Variants in NEK1 observed in about 807,000 individuals in gnomAD.
NEK1 encodes serine/threonine-protein kinase Nek1.
In NEK1, 137 loss-of-function variants were observed where a neutral mutation model predicts 182.1. That is an observed-to-expected ratio of 0.75 (90% CI 0.65 to 0.87). The LOEUF (loss-of-function observed/expected upper bound fraction) is 0.87. Among genes scored for constraint, NEK1 ranks in the 40% least tolerant of loss-of-function variants. The pLI is 0.00. For synonymous variants in NEK1, 513 were observed against 492.2 expected, an observed-to-expected ratio of 1.04 and a Z score of -0.56; for missense variants, 1,391 against 1,494.4, an observed-to-expected ratio of 0.93 and a Z score of 1.14.
At chr4:169,400,896 A>T (rs183173895) in intron 33 of NEK1, among the ~76,000 whole-genome samples, 2 of 150,302 alleles carry the variant, frequency 1.3e-5, no homozygotes, top group African/African-American at 4.9e-5. Context: ...TGGAATCAAA[A>T]CACTCCTAGA....
chr4:169,597,013 A>G lies in NEK1; in HGVS notation c.312+2087T>C, dbSNP rs886447569. Among the ~76,000 whole-genome samples, 4 of 152,302 alleles carry G rather than the reference A, an allele frequency of 2.6e-5. No homozygotes were observed. In the East Asian group the frequency reaches 5.8e-4, roughly 22 times the overall value. ...CACACACACACCACATTATGTACTA[A>G]GAGTACTTATCAAAGAGTAGAATCA... On this transcript the variant is annotated intron_variant, in intron 5 of 35. Coordinates refer to ENST00000507142, the MANE Select transcript of NEK1 (RefSeq NM_001199397.3).
intron 27 of NEK1, among the ~76,000 whole-genome samples, chr4:169,448,015 C>T (rs1416550635): frequency 6.6e-6 from 1 of 151,878 alleles, no homozygotes; most frequent in Non-Finnish European, 1.5e-5. Context: ...AACATGAAAC[C>T]AGCCTGGGCA....
chr4:169,525,817 A>T (rs919406552), intron 19 of NEK1, among the ~76,000 whole-genome samples: 1 of 152,230 alleles, frequency 6.6e-6, no homozygotes, highest in Non-Finnish European at 1.5e-5. Context: ...TGCCATTTAA[A>T]AAGGAACAAA....
At chr4:169,589,638 T>C (rs910513155) in intron 6 of NEK1, 124 bp from the exon 7 acceptor site, 57 of 605,822 alleles carry the variant, frequency 9.4e-5, no homozygotes, top group Admixed American at 3.6e-4. Context: ...GATATTCACA[T>C]ACAAAAGAAT....
At chr4:169,441,157 G>A (rs1292427011) in intron 27 of NEK1, among the ~76,000 whole-genome samples, 1 of 152,204 alleles carries the variant, frequency 6.6e-6, no homozygotes. Flanking sequence ...AAAGGGAGCT[G>A]AAGCATGTGC....
At chr4:169,417,624 G>C (rs958847960) in intron 31 of NEK1, among the ~76,000 whole-genome samples, 2 of 152,186 alleles carry the variant, frequency 1.3e-5, no homozygotes, top group Non-Finnish European at 2.9e-5. Flanking sequence ...AATGCAAACA[G>C]AGAAGGCCCA....
chr4:169,545,187 A>G (rs1450821702), intron 18 of NEK1, among the ~76,000 whole-genome samples: 1 of 140,084 alleles, frequency 7.1e-6, no homozygotes, highest in Middle Eastern at 3.4e-3. Flanking sequence ...ATATCTCCCA[A>G]TGCTATCCCT....
intron 20 of NEK1, 57 bp downstream of exon 20, chr4:169,508,712 G>T: frequency 7.9e-7 from 1 of 1,273,294 alleles, no homozygotes. Context: ...AAGAAAAGAA[G>T]GCAATAAATT....
At chr4:169,544,599 GTTTTTTTTTTTTTTT>G (rs139478702) in intron 18 of NEK1, among the ~76,000 whole-genome samples, 17 of 66,302 alleles carry the variant, frequency 2.6e-4, no homozygotes, top group African/African-American at 9.4e-4. Context: ...TCTGGTCATG[GTTTTTTTTTTTTTTT>G]TTTTTTTTTT....
intron 19 of NEK1, among the ~76,000 whole-genome samples, chr4:169,525,164 T>C (rs989657626): frequency 3.9e-5 from 6 of 152,220 alleles, no homozygotes; most frequent in Admixed American, 2.6e-4. Context: ...AATCTTGCTC[T>C]GTCACCCAGG....
intron 6 of NEK1, 43 bp downstream of exon 6, chr4:169,590,681 CAT>C: frequency 7.1e-7 from 1 of 1,401,176 alleles, no homozygotes; most frequent in Non-Finnish European, 9.8e-7. Context: ...ATGAAGGTTC[CAT>C]GTCTTTATCC....
chr4:169,575,401 G>T (rs1389591282), intron 12 of NEK1, among the ~76,000 whole-genome samples: 1 of 152,222 alleles, frequency 6.6e-6, no homozygotes, highest in East Asian at 1.9e-4. Flanking sequence ...TTCCTGATTA[G>T]TGTGTTTCCT....
intron 28 of NEK1, among the ~76,000 whole-genome samples, chr4:169,434,559 G>C (rs1488661699): frequency 6.6e-6 from 1 of 152,090 alleles, no homozygotes. Context: ...TCTGGCAGTG[G>C]CTCATTTTTC....
At chr4:169,416,957 C>A (rs1204626546) in intron 31 of NEK1, among the ~76,000 whole-genome samples, 1 of 152,122 alleles carries the variant, frequency 6.6e-6, no homozygotes, top group East Asian at 1.9e-4. Context: ...AATAAAATCA[C>A]AGTAATAAGT....
intron 23 of NEK1, among the ~76,000 whole-genome samples, chr4:169,497,839 T>C (rs957263371): frequency 5.3e-5 from 8 of 152,310 alleles, no homozygotes; most frequent in African/African-American, 1.9e-4. Flanking sequence ...GTGGTCAATT[T>C]TGAAATAGGT....
chr4:169,414,922 T>G (rs1423253203), intron 31 of NEK1, among the ~76,000 whole-genome samples: 2 of 152,242 alleles, frequency 1.3e-5, no homozygotes, highest in Non-Finnish European at 2.9e-5. Context: ...TGTAACCTAC[T>G]TTAACAAAAA....
intron 27 of NEK1, among the ~76,000 whole-genome samples, chr4:169,442,694 A>C (rs1181110966): frequency 6.6e-6 from 1 of 152,200 alleles, no homozygotes; most frequent in Non-Finnish European, 1.5e-5. Context: ...AATCAGAAAA[A>C]CAATTCATGG....
At chr4:169,403,650 T>C (rs953311474) in intron 32 of NEK1, among the ~76,000 whole-genome samples, 2 of 152,174 alleles carry the variant, frequency 1.3e-5, no homozygotes, top group African/African-American at 4.8e-5. Context: ...GAGTAAATAT[T>C]GACCTGTTCA....
intron 23 of NEK1, among the ~76,000 whole-genome samples, chr4:169,482,974 T>G (rs116613993): frequency 0.016 from 2,409 of 152,254 alleles, 27 homozygotes; most frequent in Non-Finnish European, 0.024. Flanking sequence ...ACTTTTCCTT[T>G]GCATTCACAA....
Sources: gnomAD v4.1 joint callset for allele counts (sites outside exome capture counted in the v4.1 genomes callset) on GRCh38, gnomAD v4.1.1 for gene constraint, MANE v1.5 for transcripts, NCBI Gene and HGNC (gene_info 2026-07-23, HGNC 2026-07-21) for gene names.